Variants in ASXL1 observed in about 807,000 individuals in gnomAD.
ASXL1 encodes the protein polycomb group protein ASXL1.
In ASXL1, 65 loss-of-function variants were observed where a neutral mutation model predicts 89.1. The ratio of observed to expected loss-of-function variants is 0.73; its 90% confidence interval spans 0.60 to 0.90. The LOEUF is 0.90. ASXL1 is among the 40% of genes least tolerant of loss of function. The probability of loss-of-function intolerance (pLI) is 0.00; values close to 1 mark genes in which losing one functional copy is unlikely to be tolerated. For synonymous variants in ASXL1, 739 were observed against 746.9 expected, an observed-to-expected ratio of 0.99 and a Z score of 0.17; for missense variants, 1,786 against 1,942.9, an observed-to-expected ratio of 0.92 and a Z score of 1.52.
In ASXL1 at chr20:32,427,366, G is replaced by A. The variant is rs575048598; in HGVS notation, c.253-762G>A. 1.3e-3 allele frequency: 198 copies of A among 152,942 alleles called. 1 individual carries two copies. Among genetic ancestry groups the A allele is most frequent in the South Asian group, 5.6e-3 (27 of 4,858 alleles). 9.5% of individuals were successfully genotyped at this position (152,942 alleles called of 1,614,324 possible). ...TCTTCTTCCTGCCTCTAGGCTTCCC[G>A]CGGTTGCCAGATGAAATTCCGAAAA... On this transcript the variant is annotated intron_variant, in intron 4 of 12. Transcript: ENST00000375687.
At position 32,437,591 on chromosome 20, in the gene ASXL1, C is replaced by G; in HGVS notation, c.*253C>G. The G allele has an allele frequency of 1.9e-6, 1 of 538,224 alleles. No individual in the cohort carries two copies. The highest frequency in any genetic ancestry group is 3.3e-6 in the Non-Finnish European group (1 of 305,360). The allele number at this position is 538,224 out of a possible 1,614,324, so 33.3% of individuals were successfully genotyped here. A position where few individuals can be genotyped will look rare whatever the true frequency, so the allele number is the denominator to read the frequency against. Reference sequence around the variant, plus strand: ...CCTGAGCTCTCCTGCAAGACAGAGCCTGATGTGGCACGGAGTGGGGTTGCG... The same window carrying G: ...CCTGAGCTCTCCTGCAAGACAGAGCGTGATGTGGCACGGAGTGGGGTTGCG... On this transcript the variant is annotated 3_prime_UTR_variant, in exon 13 of 13. Coordinates refer to ENST00000375687, the MANE Select transcript of ASXL1 (RefSeq NM_015338.6).
intron 6 of ASXL1, 129 bp downstream of exon 6, chr20:32,428,551 TTAG>T: frequency 1.1e-6 from 1 of 884,818 alleles, no homozygotes; most frequent in Non-Finnish European, 1.8e-6. Flanking sequence ...TCTCCAGCTG[TTAG>T]TAGCATTTAA....
At chr20:32,423,898 G>A (rs1224099835) in intron 4 of ASXL1, among the ~76,000 whole-genome samples, 1 of 152,172 alleles carries the variant, frequency 6.6e-6, no homozygotes. Context: ...GACCCTGTCT[G>A]TACAATAAAA....
chr20:32,425,200 AT>A (rs1233143856), intron 4 of ASXL1, among the ~76,000 whole-genome samples: 1 of 152,120 alleles, frequency 6.6e-6, no homozygotes, highest in Non-Finnish European at 1.5e-5. Context: ...TAGTTCATTC[AT>A]TTTTTGTTGC....
At chr20:32,370,607 A>G (rs1361050696) in intron 4 of ASXL1, among the ~76,000 whole-genome samples, 1 of 152,148 alleles carries the variant, frequency 6.6e-6, no homozygotes, top group African/African-American at 2.4e-5. Context: ...AGCAGTCAGT[A>G]CAAACTTTTT....
chr20:32,382,119 G>A (rs1027091577), intron 4 of ASXL1, among the ~76,000 whole-genome samples: 1 of 151,770 alleles, frequency 6.6e-6, no homozygotes, highest in Non-Finnish European at 1.5e-5. Context: ...ACCAGGCCTG[G>A]CTATTTTTAT....
chr20:32,431,705 G>C (rs367732350), intron 10 of ASXL1, 26 bp downstream of exon 10: 339 of 1,607,126 alleles, frequency 2.1e-4, no homozygotes, highest in Non-Finnish European at 2.8e-4. Flanking sequence ...CATCTCGGAC[G>C]GCTTGCGACG....
intron 4 of ASXL1, among the ~76,000 whole-genome samples, chr20:32,423,541 T>A (rs6141309): frequency 0.35 from 53,060 of 151,160 alleles, 10,340 homozygotes; most frequent in East Asian, 0.74. Flanking sequence ...ACCCAGCATT[T>A]TTTATTTATT....
intron 4 of ASXL1, among the ~76,000 whole-genome samples, chr20:32,420,062 T>C (rs2049214548): frequency 6.6e-6 from 1 of 151,712 alleles, no homozygotes; most frequent in Non-Finnish European, 1.5e-5. Flanking sequence ...TTTAATGTGA[T>C]CTCAAATGTC....
At chr20:32,397,693 C>T (rs1234475537) in intron 4 of ASXL1, among the ~76,000 whole-genome samples, 1 of 150,882 alleles carries the variant, frequency 6.6e-6, no homozygotes, top group Non-Finnish European at 1.5e-5. Flanking sequence ...GCCACCATGC[C>T]AAGCCAATTG....
chr20:32,382,618 A>C lies in ASXL1; in HGVS notation c.252+13495A>C, dbSNP rs1230589850. ...GAGACCTCGTCTCTACAAAAAAAAA[A>C]AAAAAAAAACAAAACCTGTTAGCCA... On this transcript the variant is annotated intron_variant, in intron 4 of 12. Transcript: ENST00000375687. Among the ~76,000 whole-genome samples, 22 of 150,922 alleles carry C rather than the reference A, an allele frequency of 1.5e-4. 1 individual carries two copies. The highest frequency in any genetic ancestry group is 2.8e-4 in the Non-Finnish European group (19 of 67,726).
intron 4 of ASXL1, among the ~76,000 whole-genome samples, chr20:32,418,593 T>C (rs1403832180): frequency 6.6e-6 from 1 of 152,100 alleles, no homozygotes; most frequent in African/African-American, 2.4e-5. Context: ...CAGTAGGTCA[T>C]TCCTATTCTC....
chr20:32,379,498 G>A (rs1207168185), intron 4 of ASXL1, among the ~76,000 whole-genome samples: 1 of 151,474 alleles, frequency 6.6e-6, no homozygotes, highest in South Asian at 2.1e-4. Flanking sequence ...GTGAGCCACT[G>A]TGTCCAGCCA....
chr20:32,392,387 A>T lies in ASXL1; in HGVS notation c.252+23264A>T, dbSNP rs568988765. ...AGCCTCTGCCTCCTGGGTTCAAGCA[A>T]TTCTCCTGCCTCAGTCTCCCGAGTA... is the stretch of plus-strand genomic sequence containing the variant. On this transcript the variant is annotated intron_variant, in intron 4 of 12. Coordinates refer to ENST00000375687, the MANE Select transcript of ASXL1 (RefSeq NM_015338.6). 2.6e-5 allele frequency among the ~76,000 whole-genome samples: 4 copies of T among 151,080 alleles called. No homozygotes were observed. The East Asian group carries it at 5.9e-4, about 22-fold the overall frequency.
chr20:32,423,222 G>A (rs1186905849), intron 4 of ASXL1, among the ~76,000 whole-genome samples: 1 of 151,492 alleles, frequency 6.6e-6, no homozygotes, highest in Non-Finnish European at 1.5e-5. Context: ...CCAGGAGTTT[G>A]ATTTTTTTTT....
chr20:32,438,968 A>AT lies in ASXL1; in HGVS notation c.*1631dup. The AT allele has an allele frequency of 4.3e-6, 1 of 233,586 alleles. No homozygotes were observed. The highest frequency in any genetic ancestry group is 1.8e-4 in the South Asian group (1 of 5,522). 14.5% of individuals were successfully genotyped at this position (233,586 alleles called of 1,614,324 possible). The stretch of plus-strand genomic sequence containing the variant: ...AGTTGAGGGTTCTTGCTTAATTTAG[A>AT]TCAAGTATAAAATTTGTATGACTTC... On this transcript the variant is annotated 3_prime_UTR_variant, in exon 13 of 13. Coordinates refer to ENST00000375687, the MANE Select transcript of ASXL1 (RefSeq NM_015338.6).
intron 4 of ASXL1, among the ~76,000 whole-genome samples, chr20:32,423,873 T>G (rs2011203869): frequency 6.6e-6 from 1 of 152,216 alleles, no homozygotes; most frequent in South Asian, 2.1e-4. Flanking sequence ...GAGACCAGCC[T>G]GGGCAACAGA....
intron 4 of ASXL1, among the ~76,000 whole-genome samples, chr20:32,416,656 T>G (rs1208143596): frequency 7.2e-5 from 11 of 152,160 alleles, no homozygotes; most frequent in Non-Finnish European, 2.9e-5. Context: ...GCAACACTTA[T>G]CCTTAATCTC....
rs751952846 is a variant in ASXL1, at chr20:32,435,814, A to T, written c.3102A>T (p.Lys1034Asn). The T allele has an allele frequency of 3.1e-6, 5 of 1,614,032 alleles. No homozygotes were observed. Among genetic ancestry groups the T allele is most frequent in the Non-Finnish European group, 4.2e-6 (5 of 1,180,034 alleles). ...GATCTTCGGTGGACAAGGATGAGAA[A>T]CCCAATTGGAACCAATCTGCCCCAC... is the stretch of plus-strand genomic sequence containing the variant. ...TKGSSVDKDE[K>N]PNWNQSAPLS... Residue 1034 changes from lysine to asparagine, a missense_variant, in exon 13 of 13, where the codon AAA becomes AAT. By Grantham distance (94) the Lys-to-Asn change is moderately conservative. Transcript: ENST00000375687.
Sources: gnomAD v4.1 joint callset for allele counts (sites outside exome capture counted in the v4.1 genomes callset) on GRCh38, gnomAD v4.1.1 for gene constraint, MANE v1.5 for transcripts, NCBI Gene and HGNC (gene_info 2026-07-23, HGNC 2026-07-21) for gene names.